ZNF385B: variants seen among roughly 807,000 people sequenced by gnomAD.
The protein encoded by ZNF385B is zinc finger protein 385B.
In ZNF385B, 23 loss-of-function variants were observed where a neutral mutation model predicts 39.2. The ratio of observed to expected loss-of-function variants is 0.59; its 90% CI spans 0.42 to 0.83. ZNF385B has a LOEUF of 0.83. Among genes scored for constraint, ZNF385B ranks in the 40% least tolerant of loss-of-function variants. The pLI is 0.00. For missense variants in ZNF385B, 552 were observed against 598.9 expected (o/e 0.92, Z 0.82); for synonymous variants, 205 against 222.6 (o/e 0.92, Z 0.70).
intron 4 of ZNF385B, among the ~76,000 whole-genome samples, chr2:179,528,649 G>A (rs151013646): frequency 4.5e-4 from 69 of 152,192 alleles, no homozygotes; most frequent in African/African-American, 1.6e-3. Context: ...TAATGCTTTC[G>A]ACAGATAACT....
chr2:179,798,409 T>C (rs1705815437), intron 1 of ZNF385B, among the ~76,000 whole-genome samples: 1 of 152,132 alleles, frequency 6.6e-6, no homozygotes, highest in Admixed American at 6.6e-5. Flanking sequence ...TTTCAGTGGA[T>C]AGAGCTAGAA....
At chr2:179,588,231 G>T (rs1441815324) in intron 3 of ZNF385B, among the ~76,000 whole-genome samples, 1 of 152,146 alleles carries the variant, frequency 6.6e-6, no homozygotes, top group East Asian at 1.9e-4. Flanking sequence ...TGGGAATACA[G>T]GCGCCCGCCA....
At chr2:179,700,141 C>T (rs1490832691) in intron 3 of ZNF385B, among the ~76,000 whole-genome samples, 1 of 151,838 alleles carries the variant, frequency 6.6e-6, no homozygotes, top group Non-Finnish European at 1.5e-5. Flanking sequence ...CCAAAAAGCA[C>T]CTTATGCAAA....
chr2:179,492,804 T>A (rs187992033), intron 5 of ZNF385B, among the ~76,000 whole-genome samples: 148 of 152,228 alleles, frequency 9.7e-4, no homozygotes, highest in Non-Finnish European at 1.7e-3. Flanking sequence ...TGAAGACTAA[T>A]AACAGATACC....
intron 6 of ZNF385B, among the ~76,000 whole-genome samples, chr2:179,448,908 G>A (rs1251480944): frequency 6.6e-6 from 1 of 152,080 alleles, no homozygotes; most frequent in Non-Finnish European, 1.5e-5. Flanking sequence ...TGGCGTAAGT[G>A]AAAATATCTA....
chr2:179,536,676 TA>T (rs2059586383), intron 4 of ZNF385B, among the ~76,000 whole-genome samples: 1 of 152,224 alleles, frequency 6.6e-6, no homozygotes, highest in Non-Finnish European at 1.5e-5. Context: ...AAGCAATTTC[TA>T]TTAGACAGAG....
At chr2:179,816,144 C>A (rs1232480079) in intron 1 of ZNF385B, among the ~76,000 whole-genome samples, 1 of 152,148 alleles carries the variant, frequency 6.6e-6, no homozygotes, top group African/African-American at 2.4e-5. Flanking sequence ...CCCAAATTAC[C>A]CATTTAACTA....
At chr2:179,747,306 T>G (rs1702438108) in intron 3 of ZNF385B, among the ~76,000 whole-genome samples, 1 of 152,122 alleles carries the variant, frequency 6.6e-6, no homozygotes, top group African/African-American at 2.4e-5. Context: ...TTAGATGCCC[T>G]TGCTTGGAGA....
rs1488706861 is a variant in ZNF385B at position 179,521,745 on chromosome 2, C to T, written c.442-3107G>A. Among the ~76,000 whole-genome samples the T allele has an allele frequency of 2.6e-5, 4 of 152,110 alleles. No individual in the cohort carries two copies. The East Asian group carries it at 5.8e-4, about 22-fold the overall frequency. ...TTATATATGTAATCCTAATTTTTCT[C>T]ATAAAATCAACTAAATAAGCACAGC... On this transcript the variant is annotated intron_variant, in intron 4 of 9. Transcript: ENST00000410066.
intron 3 of ZNF385B, among the ~76,000 whole-genome samples, chr2:179,706,437 A>ATG (rs1699606453): frequency 6.6e-6 from 1 of 152,156 alleles, no homozygotes; most frequent in African/African-American, 2.4e-5. Context: ...AACAATTGAC[A>ATG]TGACAACTAG....
chr2:179,667,754 A>G (rs1418028881), intron 3 of ZNF385B, among the ~76,000 whole-genome samples: 1 of 127,904 alleles, frequency 7.8e-6, no homozygotes, highest in Non-Finnish European at 1.7e-5. Flanking sequence ...AGAGAGGAGA[A>G]TACAACATAC....
chr2:179,666,133 A>G (rs994510343), intron 3 of ZNF385B, among the ~76,000 whole-genome samples: 55 of 152,364 alleles, frequency 3.6e-4, no homozygotes, highest in African/African-American at 1.3e-3. Context: ...GAAAGCCCAA[A>G]AAGATTTTAA....
intron 5 of ZNF385B, 112 bp downstream of exon 5, chr2:179,518,416 A>C (rs1275322491): frequency 2.6e-6 from 2 of 763,574 alleles, no homozygotes; most frequent in South Asian, 1.9e-5. Flanking sequence ...TTAGTGGGCT[A>C]CCAATAGGAG....
At chr2:179,678,785 C>T (rs1042869234) in intron 3 of ZNF385B, among the ~76,000 whole-genome samples, 1 of 152,168 alleles carries the variant, frequency 6.6e-6, no homozygotes, top group Admixed American at 6.5e-5. Context: ...AAGTTTTAAA[C>T]AGTTATCAGT....
At chr2:179,661,273 CA>C (rs1694434777) in intron 3 of ZNF385B, among the ~76,000 whole-genome samples, 1 of 152,188 alleles carries the variant, frequency 6.6e-6, no homozygotes, top group Non-Finnish European at 1.5e-5. Flanking sequence ...ATGACAATTA[CA>C]AAAGAGACCA....
intron 3 of ZNF385B, among the ~76,000 whole-genome samples, chr2:179,572,159 A>T (rs531409148): frequency 7.2e-5 from 11 of 152,158 alleles, no homozygotes; most frequent in Non-Finnish European, 1.5e-4. Context: ...TCTGGCAGAG[A>T]ACTTTGAGGT....
At chr2:179,708,858 T>C (rs534287683) in intron 3 of ZNF385B, among the ~76,000 whole-genome samples, 1 of 152,118 alleles carries the variant, frequency 6.6e-6, no homozygotes, top group African/African-American at 2.4e-5. Context: ...GGCCAGAACA[T>C]ACCCCAAACA....
chr2:179,574,814 G>GT (rs1439228594), intron 3 of ZNF385B, among the ~76,000 whole-genome samples: 4 of 151,926 alleles, frequency 2.6e-5, no homozygotes, highest in African/African-American at 9.7e-5. Flanking sequence ...TGTTAGGGGG[G>GT]AAGGGCTTTA....
Position 179,597,560 on chromosome 2 carries a change from T to C in ZNF385B, c.299-52591A>G, listed in dbSNP as rs531434061. Among the ~76,000 whole-genome samples the C allele has an allele frequency of 6.6e-5, 10 of 152,330 alleles. No homozygotes were observed. In the South Asian group the frequency reaches 1.9e-3, roughly 28 times the overall value. On this transcript the variant is annotated intron_variant, in intron 3 of 9. Coordinates refer to ENST00000410066, the MANE Select transcript of ZNF385B (RefSeq NM_152520.6). The stretch of plus-strand genomic sequence containing the variant: ...AAATTATGATTTCATTAGTCTTTCA[T>C]GTTCCTTCCATCCACCTTTCTTGTA...
Sources: gnomAD v4.1 joint callset for allele counts (sites outside exome capture counted in the v4.1 genomes callset) on GRCh38, gnomAD v4.1.1 for gene constraint, MANE v1.5 for transcripts, NCBI Gene and HGNC (gene_info 2026-07-23, HGNC 2026-07-21) for gene names.